The following BRWD1 variants were observed in gnomAD, a reference collection of about 807,000 sequenced individuals.
BRWD1 encodes the protein bromodomain and WD repeat-containing protein 1.
BRWD1 carries 82 observed loss-of-function variants against 251.2 expected under a neutral mutation model. The ratio of observed to expected loss-of-function variants is 0.33; its 90% CI spans 0.27 to 0.39. The LOEUF (loss-of-function observed/expected upper bound fraction) is 0.39. Among genes scored for constraint, BRWD1 ranks in the 10% least tolerant of loss-of-function variants. The pLI, the probability that BRWD1 is intolerant of heterozygous loss-of-function variation, is 1.00. For missense variants in BRWD1, 2,233 were observed against 2,711.6 expected (o/e 0.82, Z 3.92); for synonymous variants, 918 against 902.8 (o/e 1.02, Z -0.30).
chr21:39,312,773 G>T, intron 4 of BRWD1, 68 bp downstream of exon 4: 1 of 1,367,510 alleles, frequency 7.3e-7, no homozygotes, highest in East Asian at 2.7e-5. Context: ...GGGTCCCCGC[G>T]AGGGGAAGGG....
At chr21:39,202,280 A>T in intron 38 of BRWD1, 45 bp downstream of exon 38, 1 of 1,460,912 alleles carries the variant, frequency 6.8e-7, no homozygotes, top group African/African-American at 1.4e-5. Context: ...AGTGTTACAC[A>T]TTTGGGTGCT....
At chr21:39,291,177 C>A (rs769312410) in intron 8 of BRWD1, among the ~76,000 whole-genome samples, 1 of 152,166 alleles carries the variant, frequency 6.6e-6, no homozygotes, top group African/African-American at 2.4e-5. Flanking sequence ...TACTCACTCT[C>A]TTTTCTTTGA....
intron 18 of BRWD1, among the ~76,000 whole-genome samples, chr21:39,257,512 A>G (rs1206385974): frequency 1.3e-5 from 2 of 152,220 alleles, no homozygotes; most frequent in African/African-American, 4.8e-5. Flanking sequence ...CATAATCCTA[A>G]AATGTAATGA....
At chr21:39,235,375 T>C (rs186093520) in intron 23 of BRWD1, 1 of 152,884 alleles carries the variant, frequency 6.5e-6, no homozygotes, top group Admixed American at 6.5e-5. Flanking sequence ...TTATAAATGA[T>C]AGCCAACTGT....
downstream of BRWD1, chr21:39,185,295 T>TAAGAAAAAAAAAAAAAA (rs2031155096): frequency 4.2e-5 from 3 of 71,838 alleles, no homozygotes; most frequent in Non-Finnish European, 8.3e-5. Flanking sequence ...CTGAAATTGC[T>TAAGAAAAAAAAAAAAAA]AAAAAAAAAA....
At chr21:39,312,985 C>T in intron 3 of BRWD1, 85 bp from the exon 4 acceptor site, 1 of 805,268 alleles carries the variant, frequency 1.2e-6, no homozygotes, top group Non-Finnish European at 1.5e-6. Flanking sequence ...GGGCGGCGGG[C>T]GGCGGGCGGG....
Position 39,209,616 on chromosome 21 carries a change from T to C in BRWD1, c.4197+379A>G, listed in dbSNP as rs140952321. Among the ~76,000 whole-genome samples the C allele has an allele frequency of 3.1e-3, 466 of 152,242 alleles. 2 individuals are homozygous for C. The highest frequency in any genetic ancestry group is 0.011 in the African/African-American group (446 of 41,530). On this transcript the variant is annotated intron_variant, in intron 36 of 40. Transcript: ENST00000342449. Reference sequence around the variant, plus strand: ...AGCAGTCTCACAATCAGATTTTCCTTTTTACTTTTAATATTCTTACAGTCT... The same window carrying C: ...AGCAGTCTCACAATCAGATTTTCCTCTTTACTTTTAATATTCTTACAGTCT...
At chr21:39,296,854 T>C in intron 5 of BRWD1, 1 of 978,120 alleles carries the variant, frequency 1.0e-6, no homozygotes, top group Non-Finnish European at 1.2e-6. Flanking sequence ...TTACAACTGA[T>C]CCAACTTTTC....
In BRWD1 at chr21:39,189,483, GA is replaced by G. The variant is rs149816083; in HGVS notation, c.*6775del. On this transcript the variant is annotated 3_prime_UTR_variant, in exon 41 of 41. Transcript: ENST00000342449. ...TAATGGAAAAGTTAAGATTCTGCAGGAAAAAAAAAACTAAAATCAGGTTTTT... is the reference window on the plus strand; with the variant it reads ...TAATGGAAAAGTTAAGATTCTGCAGGAAAAAAAAACTAAAATCAGGTTTTT... The G allele has an allele frequency of 1.2e-3, 1,062 of 893,154 alleles. 3 individuals carry two copies. In the African/African-American group the frequency reaches 0.017, roughly 14 times the overall value. The allele number at this position is 893,154 out of a possible 1,614,324, so 55.3% of individuals were successfully genotyped here.
upstream of BRWD1, chr21:39,313,958 C>G (rs777085465): frequency 2.6e-4 from 91 of 352,232 alleles, no homozygotes; most frequent in Admixed American, 5.2e-4. Context: ...GGGGCGGAAG[C>G]GCGGCCACAA....
In BRWD1 at chr21:39,228,551, G is replaced by A; in HGVS notation, c.3157C>T (p.Leu1053Phe). 2 of 1,612,844 alleles carry A rather than the reference G, an allele frequency of 1.2e-6. No homozygotes were observed. Among genetic ancestry groups the A allele is most frequent in the Non-Finnish European group, 1.7e-6 (2 of 1,179,232 alleles). ...YHDMPDVIDF[L>F]VLRQFYDEAR... is the part of the protein sequence containing the mutation. ...TCATCATAAAATTGACGCAATACAA[G>A]AAAGTCAATAACATCTGGCATATCA... Residue 1053 changes from leucine to phenylalanine, a missense_variant, in exon 27 of 41, where the codon CTT (leucine) becomes TTT (phenylalanine). By Grantham distance (22) the Leu-to-Phe change is conservative. Coordinates refer to ENST00000342449, the MANE Select transcript of BRWD1 (RefSeq NM_033656.4).
Position 39,260,018 on chromosome 21 carries a change from A to G in BRWD1, c.1886-1346T>C, listed in dbSNP as rs535858807. Among the ~76,000 whole-genome samples the G allele has an allele frequency of 5.3e-5, 8 of 152,250 alleles. 2 individuals are homozygous for G. Among genetic ancestry groups the G allele is most frequent in the African/African-American group, 1.9e-4 (8 of 41,552 alleles). ...TGCTACCTGAGTAAGACTCCCTTGC[A>G]TATCACTGATAATGTCTTTGTTTTG... On this transcript the variant is annotated intron_variant, in intron 17 of 40. Transcript: ENST00000342449.
chr21:39,273,336 T>A (rs1056729202), intron 13 of BRWD1, among the ~76,000 whole-genome samples: 2 of 152,206 alleles, frequency 1.3e-5, no homozygotes, highest in African/African-American at 4.8e-5. Context: ...TTTTAATTTG[T>A]TTATGAGCAA....
intron 4 of BRWD1, among the ~76,000 whole-genome samples, chr21:39,303,802 G>A (rs866727204): frequency 1.3e-5 from 2 of 150,920 alleles, no homozygotes; most frequent in African/African-American, 2.4e-5. Context: ...CAGCCTGGGT[G>A]ACAGAGTGAG....
chr21:39,283,671 C>A (rs766388882), intron 8 of BRWD1, among the ~76,000 whole-genome samples: 22 of 152,002 alleles, frequency 1.4e-4, no homozygotes, highest in African/African-American at 2.2e-4. Flanking sequence ...TTAAGAGTTG[C>A]GATTTGTTTT....
intron 20 of BRWD1, among the ~76,000 whole-genome samples, chr21:39,249,915 G>GGTGTGT (rs368656743): frequency 5.8e-5 from 4 of 68,582 alleles, no homozygotes; most frequent in African/African-American, 1.1e-4. Context: ...AAAGAAGGGG[G>GGTGTGT]GTGTGTGTGT....
At chr21:39,212,053 T>TA (rs775993248) in intron 34 of BRWD1, among the ~76,000 whole-genome samples, 10 of 152,006 alleles carry the variant, frequency 6.6e-5, no homozygotes, top group African/African-American at 1.2e-4. Flanking sequence ...TCTCCATTGT[T>TA]AAAAAAAGTT....
intron 8 of BRWD1, among the ~76,000 whole-genome samples, chr21:39,289,734 T>C (rs953613198): frequency 4.6e-5 from 7 of 152,174 alleles, no homozygotes; most frequent in Admixed American, 1.3e-4. Context: ...ATTAAGAAGC[T>C]AGCAATCAGG....
intron 8 of BRWD1, among the ~76,000 whole-genome samples, chr21:39,283,221 T>C (rs2146713367): frequency 1.3e-5 from 2 of 152,340 alleles, no homozygotes; most frequent in Middle Eastern, 6.8e-3. Flanking sequence ...TAAATGAGCT[T>C]GATTGGCTGG....
Sources: allele counts gnomAD v4.1 joint callset (sites outside exome capture counted in the v4.1 genomes callset), GRCh38; gene constraint gnomAD v4.1.1; transcripts MANE v1.5; gene names NCBI Gene and HGNC (gene_info 2026-07-23, HGNC 2026-07-21).